MIPEP: variants seen among roughly 807,000 people sequenced by gnomAD.
MIPEP encodes the protein mitochondrial intermediate peptidase.
In MIPEP, 79 loss-of-function variants were observed where a neutral mutation model predicts 90.3. That is an observed-to-expected ratio of 0.87 (90% CI 0.73 to 1.05). The LOEUF is 1.05. Among genes scored for constraint, MIPEP ranks in the 50% least tolerant of loss-of-function variants. The pLI is 0.00. For missense variants in MIPEP, 940 were observed against 905.6 expected (o/e 1.04, Z -0.49); for synonymous variants, 334 against 315.8 (o/e 1.06, Z -0.61).
chr13:23,816,357 A>C (rs1172126824), intron 14 of MIPEP, among the ~76,000 whole-genome samples: 1 of 151,314 alleles, frequency 6.6e-6, no homozygotes, highest in African/African-American at 2.4e-5. Context: ...CCCATCCCCT[A>C]CTCCTTTCCC....
At chr13:23,802,750 T>C (rs768294363) in intron 16 of MIPEP, among the ~76,000 whole-genome samples, 2 of 152,116 alleles carry the variant, frequency 1.3e-5, no homozygotes, top group African/African-American at 2.4e-5. Flanking sequence ...ATGCATTCAA[T>C]AGAAACTGTA....
chr13:23,735,475 G>A (rs1211504796), intron 18 of MIPEP, among the ~76,000 whole-genome samples: 2 of 152,160 alleles, frequency 1.3e-5, no homozygotes, highest in Non-Finnish European at 1.5e-5. Context: ...AAGCTATTCA[G>A]GTAAGTATGG....
chr13:23,882,858 A>ATT (rs937575525), intron 2 of MIPEP, among the ~76,000 whole-genome samples: 2 of 149,848 alleles, frequency 1.3e-5, no homozygotes, highest in African/African-American at 4.9e-5. Context: ...AATTTACAAC[A>ATT]TTTTTTTTTT....
intron 16 of MIPEP, among the ~76,000 whole-genome samples, chr13:23,787,615 C>T (rs978819711): frequency 5.3e-5 from 8 of 152,130 alleles, no homozygotes; most frequent in African/African-American, 7.2e-5. Context: ...AAATAACACA[C>T]TTTCTCTTTC....
At chr13:23,880,183 A>C (rs1257955861) in intron 3 of MIPEP, among the ~76,000 whole-genome samples, 2 of 152,186 alleles carry the variant, frequency 1.3e-5, no homozygotes, top group Non-Finnish European at 2.9e-5. Context: ...TATGAATCGA[A>C]GGGTTTCTGC....
rs538721757 is a variant in MIPEP at position 23,873,649 on chromosome 13, A to C, written c.603+1197T>G. ...GTGTTTGGTGATAAGAATCAAGGTG[A>C]TTTGCTTTTGGGATGCAGACAGATG... On this transcript the variant is annotated intron_variant, in intron 5 of 18. Transcript: ENST00000382172. Among the ~76,000 whole-genome samples the C allele has an allele frequency of 1.6e-4, 24 of 152,346 alleles. No homozygotes were observed. The South Asian group carries it at 4.6e-3, about 29-fold the overall frequency.
intron 16 of MIPEP, among the ~76,000 whole-genome samples, chr13:23,780,669 A>G (rs1437039812): frequency 6.6e-6 from 1 of 152,240 alleles, no homozygotes; most frequent in Non-Finnish European, 1.5e-5. Flanking sequence ...CTAAAGGAAG[A>G]TGTTCAAACC....
chr13:23,836,359 G>GAAA lies in MIPEP; in HGVS notation c.1544-13_1544-11dup, dbSNP rs368642102. 38 of 1,193,548 alleles carry GAAA rather than the reference G, an allele frequency of 3.2e-5. No homozygotes were observed. Among genetic ancestry groups the GAAA allele is most frequent in the Middle Eastern group, 2.2e-4 (1 of 4,592 alleles). The allele number at this position is 1,193,548 out of a possible 1,614,324, so 73.9% of individuals were successfully genotyped here. A position where few individuals can be genotyped will look rare whatever the true frequency, so the allele number is the denominator to read the frequency against. ...GTAGGGCACCTGGTCCCTAAAACAA[G>GAAA]AAAAAAAAAAAAGTTGGCATGAATC... On this transcript the variant is annotated splice_polypyrimidine_tract_variant and intron_variant, in intron 13 of 18. Transcript: ENST00000382172.
chr13:23,828,007 G>C (rs1040991059), intron 14 of MIPEP, among the ~76,000 whole-genome samples: 3 of 152,166 alleles, frequency 2.0e-5, no homozygotes, highest in Non-Finnish European at 4.4e-5. Flanking sequence ...TTAGGACCAA[G>C]GTGGCTTAAT....
chr13:23,758,278 T>A (rs966100762), intron 17 of MIPEP, among the ~76,000 whole-genome samples: 1 of 152,170 alleles, frequency 6.6e-6, no homozygotes, highest in Non-Finnish European at 1.5e-5. Context: ...AGCTCTGCAA[T>A]GCCTGGCTTT....
chr13:23,752,703 C>T (rs1382838416), intron 18 of MIPEP, among the ~76,000 whole-genome samples: 1 of 152,092 alleles, frequency 6.6e-6, no homozygotes, highest in African/African-American at 2.4e-5. Flanking sequence ...TTAAACCTCA[C>T]CCCAGATGTC....
chr13:23,886,832 A>AATATATAT (rs3077102), intron 1 of MIPEP, among the ~76,000 whole-genome samples: 14 of 149,638 alleles, frequency 9.4e-5, no homozygotes, highest in South Asian at 4.2e-4. Context: ...CATATATGTA[A>AATATATAT]ATATATATAT....
chr13:23,795,143 A>G (rs1338535296), intron 16 of MIPEP, among the ~76,000 whole-genome samples: 2 of 152,160 alleles, frequency 1.3e-5, no homozygotes, highest in African/African-American at 4.8e-5. Context: ...ACCTCATGGA[A>G]GAGACTTTCC....
chr13:23,766,396 G>A (rs1952591407), intron 16 of MIPEP, among the ~76,000 whole-genome samples: 1 of 152,198 alleles, frequency 6.6e-6, no homozygotes, highest in African/African-American at 2.4e-5. Context: ...AGGATAACAA[G>A]GCAGGAAGAA....
chr13:23,829,893 G>A (rs543980908), intron 14 of MIPEP, among the ~76,000 whole-genome samples: 1 of 152,180 alleles, frequency 6.6e-6, no homozygotes, highest in Admixed American at 6.5e-5. Flanking sequence ...TGCTAATTAA[G>A]ACCACAATAG....
At chr13:23,780,685 C>G (rs1437826167) in intron 16 of MIPEP, among the ~76,000 whole-genome samples, 1 of 152,158 alleles carries the variant, frequency 6.6e-6, no homozygotes, top group African/African-American at 2.4e-5. Flanking sequence ...AAACCCATTG[C>G]AAAGAAGCTA....
intron 7 of MIPEP, among the ~76,000 whole-genome samples, chr13:23,867,313 C>G (rs1691101329): frequency 6.6e-6 from 1 of 152,190 alleles, no homozygotes; most frequent in Non-Finnish European, 1.5e-5. Flanking sequence ...TGCCTCAAGA[C>G]CTTAGCACTT....
intron 16 of MIPEP, among the ~76,000 whole-genome samples, chr13:23,785,488 G>T (rs147689259): frequency 2.7e-5 from 4 of 148,848 alleles, no homozygotes; most frequent in East Asian, 4.0e-4. Context: ...GGTTGGGGGA[G>T]GGGGGAGGGA....
chr13:23,781,551 G>A (rs1041234169), intron 16 of MIPEP, among the ~76,000 whole-genome samples: 3 of 152,132 alleles, frequency 2.0e-5, no homozygotes, highest in African/African-American at 4.8e-5. Context: ...ATCAACTAGC[G>A]AGCAAAATAA....
Sources: gnomAD v4.1 joint callset for allele counts (sites outside exome capture counted in the v4.1 genomes callset) on GRCh38, gnomAD v4.1.1 for gene constraint, MANE v1.5 for transcripts, NCBI Gene and HGNC (gene_info 2026-07-23, HGNC 2026-07-21) for gene names.